The following CLCN3 variants were observed in gnomAD, a reference collection of about 807,000 sequenced individuals.
CLCN3 encodes the protein H(+)/Cl(-) exchange transporter 3.
In CLCN3, 16 loss-of-function variants were observed where a neutral mutation model predicts 83.4. The observed-to-expected ratio is 0.19, with a 90% CI of 0.13 to 0.29. The LOEUF is 0.29. Ranked by LOEUF, CLCN3 falls within the 10% of genes least tolerant of loss-of-function variation. CLCN3 has a pLI of 1.00. For synonymous variants in CLCN3, 322 were observed against 346.2 expected, an observed-to-expected ratio of 0.93 and a Z score of 0.78; for missense variants, 544 against 1,006.0, an observed-to-expected ratio of 0.54 and a Z score of 6.21.
At chr4:169,688,028 TA>T (rs1400383597) in intron 4 of CLCN3, among the ~76,000 whole-genome samples, 1 of 152,224 alleles carries the variant, frequency 6.6e-6, no homozygotes, top group Admixed American at 6.5e-5. Context: ...AGATGATCAA[TA>T]AAGTATCTTT....
intron 2 of CLCN3, chr4:169,660,150 A>G (rs749318027): frequency 1.2e-5 from 13 of 1,122,658 alleles, no homozygotes; most frequent in Non-Finnish European, 1.4e-5. Flanking sequence ...GCCTTGCTAG[A>G]TTGTAGCCAC....
chr4:169,634,634 A>G (rs1335196444), intron 1 of CLCN3, among the ~76,000 whole-genome samples: 1 of 152,090 alleles, frequency 6.6e-6, no homozygotes, highest in Non-Finnish European at 1.5e-5. Flanking sequence ...AAGTATTTAC[A>G]TTTTTCTTTT....
At chr4:169,704,330 A>C in intron 10 of CLCN3, 146 bp downstream of exon 10, 1 of 659,012 alleles carries the variant, frequency 1.5e-6, no homozygotes, top group Non-Finnish European at 2.6e-6. Context: ...GATAAGAAAC[A>C]GTAGTACTAT....
chr4:169,711,120 A>G (rs982562289), intron 11 of CLCN3, among the ~76,000 whole-genome samples: 1 of 152,214 alleles, frequency 6.6e-6, no homozygotes, highest in African/African-American at 2.4e-5. Flanking sequence ...ACTTAACTTC[A>G]GTTGCTTACA....
chr4:169,707,272 C>T lies in CLCN3; in HGVS notation c.2149+6C>T, dbSNP rs780874847. ...AGACCTGACAATTGCAATAGGTACC[C>T]TTTCAAAAATATATATATGTATATA... is the stretch of plus-strand genomic sequence containing the variant. On this transcript the variant is annotated splice_donor_region_variant and intron_variant, in intron 11 of 12. Coordinates refer to ENST00000513761, the MANE Select transcript of CLCN3 (RefSeq NM_001829.4). 30 of 1,573,796 alleles carry T rather than the reference C, an allele frequency of 1.9e-5. No individual in the cohort carries two copies. Among genetic ancestry groups the T allele is most frequent in the Non-Finnish European group, 5.2e-6 (6 of 1,162,112 alleles).
chr4:169,669,093 G>T (rs574419811), intron 2 of CLCN3, among the ~76,000 whole-genome samples: 32 of 152,172 alleles, frequency 2.1e-4, no homozygotes, highest in African/African-American at 7.5e-4. Context: ...AAACAATCAG[G>T]TTCTATTACA....
intron 11 of CLCN3, among the ~76,000 whole-genome samples, chr4:169,711,734 G>C (rs1475433210): frequency 6.6e-6 from 1 of 152,226 alleles, no homozygotes; most frequent in Non-Finnish European, 1.5e-5. Flanking sequence ...TTAGAACATA[G>C]TTAAGAAGGC....
intron 10 of CLCN3, among the ~76,000 whole-genome samples, chr4:169,706,236 T>C (rs1440526053): frequency 6.6e-6 from 1 of 151,448 alleles, no homozygotes; most frequent in Non-Finnish European, 1.5e-5. Flanking sequence ...GGTCTCACTG[T>C]ATTGCCCAGG....
At chr4:169,696,003 A>G (rs56917743) in intron 8 of CLCN3, among the ~76,000 whole-genome samples, 17,587 of 152,180 alleles carry the variant, frequency 0.12, 1,119 homozygotes, top group East Asian at 0.17. Flanking sequence ...ATCTATTTCC[A>G]TTGGCTAAAT....
chr4:169,670,715 A>G (rs1180671539), intron 2 of CLCN3, among the ~76,000 whole-genome samples: 1 of 152,160 alleles, frequency 6.6e-6, no homozygotes. Context: ...CAGTATGGCC[A>G]TTTTCATGAT....
chr4:169,636,230 A>G, intron 2 of CLCN3, 142 bp downstream of exon 2: 1 of 730,272 alleles, frequency 1.4e-6, no homozygotes, highest in Non-Finnish European at 2.2e-6. Context: ...ACCATTGTAA[A>G]GTGTGGAACT....
intron 2 of CLCN3, among the ~76,000 whole-genome samples, chr4:169,637,580 CA>C (rs1730257411): frequency 5.5e-5 from 3 of 54,144 alleles, no homozygotes; most frequent in South Asian, 8.2e-4. Context: ...AAAAACCAAA[CA>C]AACACCACCA....
At chr4:169,633,023 CTTTG>C (rs1028610725) in intron 1 of CLCN3, among the ~76,000 whole-genome samples, 18 of 150,922 alleles carry the variant, frequency 1.2e-4, no homozygotes, top group South Asian at 4.2e-4. Context: ...ATTATTATTA[CTTTG>C]TTTGAGACAG....
intron 7 of CLCN3, 26 bp from the exon 8 acceptor site, chr4:169,695,586 T>C: frequency 6.6e-7 from 1 of 1,525,360 alleles, no homozygotes; most frequent in African/African-American, 1.4e-5. Flanking sequence ...TATGAAATTA[T>C]GAAATAAGCC....
chr4:169,703,664 C>CTT (rs112073521), intron 9 of CLCN3, among the ~76,000 whole-genome samples: 4 of 142,390 alleles, frequency 2.8e-5, no homozygotes, highest in African/African-American at 7.7e-5. Context: ...GCATATTGTC[C>CTT]TTTTTTTTTT....
intron 6 of CLCN3, among the ~76,000 whole-genome samples, chr4:169,691,717 CATA>C (rs1207003959): frequency 6.6e-6 from 1 of 152,080 alleles, no homozygotes; most frequent in Non-Finnish European, 1.5e-5. Flanking sequence ...TCAGAGAAAA[CATA>C]ATATTCTTAT....
At chr4:169,718,476 C>T (rs1733509389) in intron 12 of CLCN3, among the ~76,000 whole-genome samples, 1 of 152,088 alleles carries the variant, frequency 6.6e-6, no homozygotes, top group Non-Finnish European at 1.5e-5. Flanking sequence ...AGTGTGTGTC[C>T]TGCCATCTCA....
At chr4:169,711,449 C>A (rs1268869681) in intron 11 of CLCN3, among the ~76,000 whole-genome samples, 1 of 152,244 alleles carries the variant, frequency 6.6e-6, no homozygotes, top group East Asian at 1.9e-4. Flanking sequence ...CTGCAACCTC[C>A]GCCTCCTGGG....
chr4:169,627,702 T>G (rs984220992), intron 1 of CLCN3, among the ~76,000 whole-genome samples: 4 of 152,228 alleles, frequency 2.6e-5, no homozygotes, highest in Non-Finnish European at 4.4e-5. Flanking sequence ...GTTTAGGTCT[T>G]GTTGAGTTTT....
Sources: gnomAD v4.1 joint callset for allele counts (sites outside exome capture counted in the v4.1 genomes callset) on GRCh38, gnomAD v4.1.1 for gene constraint, MANE v1.5 for transcripts, NCBI Gene and HGNC (gene_info 2026-07-23, HGNC 2026-07-21) for gene names.